SPIDR: variants seen among roughly 807,000 people sequenced by gnomAD.
The protein encoded by SPIDR is scaffold protein involved in DNA repair.
A neutral mutation model predicts 104.6 loss-of-function variants in SPIDR; 93 were observed. The observed-to-expected ratio is 0.89, with a 90% confidence interval of 0.75 to 1.06. The LOEUF is 1.06. SPIDR is among the 50% of genes least tolerant of loss of function. The pLI is 0.00. For synonymous variants in SPIDR, 431 were observed against 416.9 expected, an observed-to-expected ratio of 1.03 and a Z score of -0.41; for missense variants, 1,154 against 1,111.2, an observed-to-expected ratio of 1.04 and a Z score of -0.55.
intron 8 of SPIDR, among the ~76,000 whole-genome samples, chr8:47,538,946 C>A (rs530077829): frequency 6.7e-6 from 1 of 150,128 alleles, no homozygotes; most frequent in East Asian, 2.0e-4. Flanking sequence ...CTGCAACCTC[C>A]GCTTCCCAGG....
At chr8:47,627,112 A>G (rs1002923247) in intron 10 of SPIDR, among the ~76,000 whole-genome samples, 2 of 152,224 alleles carry the variant, frequency 1.3e-5, no homozygotes, top group Non-Finnish European at 2.9e-5. Flanking sequence ...GGTGGAAACC[A>G]TCATTCTCAG....
intron 10 of SPIDR, among the ~76,000 whole-genome samples, chr8:47,600,562 A>G (rs1053701522): frequency 4.6e-5 from 7 of 152,188 alleles, no homozygotes; most frequent in African/African-American, 2.4e-5. Context: ...TCTTTTTTGG[A>G]ATATGTATGT....
At chr8:47,463,228 G>A (rs1399824149) in intron 8 of SPIDR, among the ~76,000 whole-genome samples, 1 of 151,870 alleles carries the variant, frequency 6.6e-6, no homozygotes, top group Admixed American at 6.6e-5. Flanking sequence ...GGGCATGGTG[G>A]TGGGCGCCCG....
intron 7 of SPIDR, among the ~76,000 whole-genome samples, chr8:47,433,545 G>A (rs1292389879): frequency 7.9e-5 from 12 of 152,214 alleles, no homozygotes; most frequent in Admixed American, 7.9e-4. Context: ...AACTTTTGGG[G>A]AAAGCTAAGA....
Position 47,392,107 on chromosome 8 carries a change from T to A in SPIDR, c.526-4269T>A, listed in dbSNP as rs2060667152. Among the ~76,000 whole-genome samples the A allele has an allele frequency of 6.6e-5, 10 of 151,512 alleles. 1 individual carries two copies. In the South Asian group the frequency reaches 2.1e-3, roughly 32 times the overall value. On this transcript the variant is annotated intron_variant, in intron 5 of 19. Transcript: ENST00000297423. ...ATTTAAAACCAAACGACATGTAAAC[T>A]ATATGGGCTAAAAAGCATAGCTAAC...
intron 10 of SPIDR, among the ~76,000 whole-genome samples, chr8:47,600,629 C>G (rs942864632): frequency 6.6e-6 from 1 of 152,086 alleles, no homozygotes; most frequent in African/African-American, 2.4e-5. Flanking sequence ...AGATGTAGAC[C>G]AGTCTTCTAC....
chr8:47,567,885 A>T (rs1207267311), intron 8 of SPIDR, among the ~76,000 whole-genome samples: 1 of 148,182 alleles, frequency 6.7e-6, no homozygotes, highest in Non-Finnish European at 1.5e-5. Context: ...TCCTGGGCTC[A>T]AGCATCCTCC....
In SPIDR at chr8:47,729,017, C is replaced by T. The variant is rs545953838; in HGVS notation, c.2520C>T (p.Arg840=). ...KRHLQVFLDC[R]SRPQCRVKVK... is the part of the protein sequence containing the mutation. ...ACCTGCAGGTCTTCCTGGACTGCCGCTCAAGACCGCAGTGCAGAGTGAAGG... is the reference window on the plus strand; with the variant it reads ...ACCTGCAGGTCTTCCTGGACTGCCGTTCAAGACCGCAGTGCAGAGTGAAGG... Residue 840 remains arginine (R), a synonymous_variant, in exon 18 of 20, where the codon CGC becomes CGT. Coordinates refer to ENST00000297423, the MANE Select transcript of SPIDR (RefSeq NM_001080394.4). 5 of 1,614,032 alleles carry T rather than the reference C, an allele frequency of 3.1e-6. No individual in the cohort carries two copies. Among genetic ancestry groups the T allele is most frequent in the Admixed American group, 1.7e-5 (1 of 60,028 alleles).
chr8:47,504,817 G>T (rs1480546982), intron 8 of SPIDR, among the ~76,000 whole-genome samples: 1 of 152,150 alleles, frequency 6.6e-6, no homozygotes, highest in Admixed American at 6.5e-5. Context: ...GGGTTTTGGA[G>T]TGGATATCCT....
At chr8:47,307,118 T>C (rs1554581846) in intron 5 of SPIDR, among the ~76,000 whole-genome samples, 2 of 152,192 alleles carry the variant, frequency 1.3e-5, no homozygotes. Flanking sequence ...TTGTTTGTTG[T>C]TTACATAACT....
intron 11 of SPIDR, among the ~76,000 whole-genome samples, chr8:47,698,249 G>C (rs1235965208): frequency 1.3e-5 from 2 of 152,114 alleles, no homozygotes; most frequent in African/African-American, 4.8e-5. Context: ...ATTTTTAAAG[G>C]ATCACTTTTT....
At chr8:47,466,466 G>A (rs1317284488) in intron 8 of SPIDR, among the ~76,000 whole-genome samples, 1 of 152,134 alleles carries the variant, frequency 6.6e-6, no homozygotes, top group Admixed American at 6.5e-5. Flanking sequence ...GAAGTTCTTT[G>A]AAACTAGTGA....
intron 8 of SPIDR, among the ~76,000 whole-genome samples, chr8:47,502,344 C>G (rs934443856): frequency 3.3e-5 from 5 of 152,120 alleles, no homozygotes; most frequent in Non-Finnish European, 7.3e-5. Flanking sequence ...TTCAGAGATT[C>G]AACTTCTTCC....
At chr8:47,464,133 C>G (rs955761592) in intron 8 of SPIDR, among the ~76,000 whole-genome samples, 1 of 147,772 alleles carries the variant, frequency 6.8e-6, no homozygotes, top group African/African-American at 2.7e-5. Context: ...CACACACACA[C>G]ACACACACAC....
chr8:47,541,223 A>C (rs527329893), intron 8 of SPIDR, among the ~76,000 whole-genome samples: 1 of 152,356 alleles, frequency 6.6e-6, no homozygotes, highest in East Asian at 1.9e-4. Flanking sequence ...TACATGAATT[A>C]TCTTATTCAA....
At chr8:47,660,379 G>A in intron 10 of SPIDR, 5 of 818,770 alleles carry the variant, frequency 6.1e-6, no homozygotes, top group Non-Finnish European at 7.4e-6. Flanking sequence ...TATGTTGCTG[G>A]GAATGCACTG....
At chr8:47,526,702 C>G (rs181037413) in intron 8 of SPIDR, among the ~76,000 whole-genome samples, 4 of 152,238 alleles carry the variant, frequency 2.6e-5, no homozygotes, top group African/African-American at 4.8e-5. Context: ...TTAAATAGGT[C>G]AAAATGAAGC....
intron 5 of SPIDR, among the ~76,000 whole-genome samples, chr8:47,352,044 C>T (rs530861616): frequency 1.3e-5 from 2 of 152,054 alleles, no homozygotes; most frequent in East Asian, 3.9e-4. Flanking sequence ...TTTGGGAGGC[C>T]GAGACAGGTG....
intron 8 of SPIDR, among the ~76,000 whole-genome samples, chr8:47,548,949 G>A (rs928195770): frequency 9.2e-5 from 14 of 152,114 alleles, no homozygotes; most frequent in Admixed American, 5.9e-4. Flanking sequence ...GTCCCAGTGT[G>A]TGATGTTCCC....
Sources: allele counts gnomAD v4.1 joint callset (sites outside exome capture counted in the v4.1 genomes callset), GRCh38; gene constraint gnomAD v4.1.1; transcripts MANE v1.5; gene names NCBI Gene and HGNC (gene_info 2026-07-23, HGNC 2026-07-21).